Variants in EPHA1 observed in about 807,000 individuals in gnomAD.
EPHA1 encodes the protein EPH receptor A1.
EPHA1 carries 92 observed loss-of-function variants against 110.1 expected under a neutral mutation model. That is an observed-to-expected ratio of 0.84 (90% CI 0.71 to 0.99). The LOEUF is 0.99. Ranked by LOEUF, EPHA1 falls within the 50% of genes least tolerant of loss-of-function variation. EPHA1 has a pLI of 0.00. For missense variants in EPHA1, 1,204 were observed against 1,285.4 expected, an observed-to-expected ratio of 0.94 and a Z score of 0.97; for synonymous variants, 500 against 516.1, an observed-to-expected ratio of 0.97 and a Z score of 0.42.
At chr7:143,397,535 GT>G in intron 9 of EPHA1, 25 bp downstream of exon 9, 1 of 1,606,770 alleles carries the variant, frequency 6.2e-7, no homozygotes, top group South Asian at 1.1e-5. Flanking sequence ...AGGGCTGGTG[GT>G]TGGGGAGGGG....
chr7:143,404,230 T>C (rs1350308740), intron 2 of EPHA1, among the ~76,000 whole-genome samples: 1 of 152,034 alleles, frequency 6.6e-6, no homozygotes, highest in Non-Finnish European at 1.5e-5. Context: ...TTTTTTTTTT[T>C]TTATGAGACA....
chr7:143,406,873 G>A (rs1805565222), intron 2 of EPHA1, among the ~76,000 whole-genome samples: 2 of 152,210 alleles, frequency 1.3e-5, no homozygotes, highest in African/African-American at 4.8e-5. Context: ...CTGCATTTGA[G>A]TCTGAATATG....
At position 143,395,203 on chromosome 7, in the gene EPHA1, T is replaced by C. The variant is rs754713826; in HGVS notation, c.2084-21A>G. 2.2e-5 allele frequency: 35 copies of C among 1,612,966 alleles called. No homozygotes were observed. Among genetic ancestry groups the C allele is most frequent in the Admixed American group, 1.7e-4 (10 of 59,996 alleles). ...CTTTCCTGAGACACAGACACACATA[T>C]CACACTCAGAACCGGGCTTCCTGCC... On this transcript the variant is annotated intron_variant, in intron 12 of 17. Coordinates refer to ENST00000275815, the MANE Select transcript of EPHA1 (RefSeq NM_005232.5). This position sits in a 1 kb window ranked among gnomAD's most constrained non-coding sequence, Gnocchi z 4.7.
At chr7:143,394,715 TG>T in intron 14 of EPHA1, 92 bp downstream of exon 14, 1 of 1,476,378 alleles carries the variant, frequency 6.8e-7, no homozygotes, top group Non-Finnish European at 9.2e-7. Context: ...CCACCGTGCC[TG>T]GCCAAGTCTT....
chr7:143,397,060 G>A (rs796565515), intron 10 of EPHA1, among the ~76,000 whole-genome samples: 19 of 152,266 alleles, frequency 1.2e-4, no homozygotes, highest in South Asian at 6.2e-4. Context: ...AGCAGTGAAC[G>A]GACACTAACA....
chr7:143,405,308 A>C (rs1018063462), intron 2 of EPHA1, among the ~76,000 whole-genome samples: 2 of 152,192 alleles, frequency 1.3e-5, no homozygotes, highest in African/African-American at 4.8e-5. Context: ...TCCCAGTTCC[A>C]GCAGTGACAG....
chr7:143,402,825 A>G (rs1398580048), intron 2 of EPHA1, among the ~76,000 whole-genome samples: 9 of 152,174 alleles, frequency 5.9e-5, no homozygotes. Context: ...GCCTTTAATC[A>G]TTATACCTCT....
At position 143,391,653 on chromosome 7, in the gene EPHA1, T is replaced by A; in HGVS notation, c.2819A>T (p.Asp940Val). 6.2e-7 allele frequency: 1 copy of A among 1,614,080 alleles called. No homozygotes were observed. The highest frequency in any genetic ancestry group is 8.5e-7 in the Non-Finnish European group (1 of 1,180,026). Reference sequence around the variant, plus strand: ...CAGCTCCAGCACACACTCCATGGTGTCCAGCCCAGCCGAGTGGAAGTGCAG... The same window carrying A: ...CAGCTCCAGCACACACTCCATGGTGACCAGCCCAGCCGAGTGGAAGTGCAG... ...YILHFHSAGL[D>V]TMECVLELTA... Residue 940 changes from aspartate to valine, a missense_variant, in exon 17 of 18, where the codon GAC (aspartate) becomes GTC (valine). Coordinates refer to ENST00000275815, the MANE Select transcript of EPHA1 (RefSeq NM_005232.5).
At position 143,399,750 on chromosome 7, in the gene EPHA1, G is replaced by A. The variant is rs1455925427; in HGVS notation, c.736C>T (p.Arg246Cys). Residue 246 changes from arginine (R) to cysteine (C), a missense_variant, in exon 4 of 18, where the codon CGC (arginine) becomes TGC (cysteine). Coordinates refer to ENST00000275815, the MANE Select transcript of EPHA1 (RefSeq NM_005232.5). ...TCGCCATCAGGGCTGCAGTGCATGC[G>A]GGGTGCACCTGAGGGCCTGGGGCTG... ...RASPRPSGAP[R>C]MHCSPDGEWL... is the part of the protein sequence containing the mutation. 1.6e-5 allele frequency: 26 copies of A among 1,613,640 alleles called. No homozygotes were observed. Among genetic ancestry groups the A allele is most frequent in the East Asian group, 2.2e-5 (1 of 44,886 alleles).
intron 2 of EPHA1, among the ~76,000 whole-genome samples, chr7:143,405,101 A>T (rs907210710): frequency 6.6e-6 from 1 of 152,122 alleles, no homozygotes; most frequent in East Asian, 1.9e-4. Flanking sequence ...GGTGTCTAAA[A>T]GGCAAGGAAG....
rs151109384 is a variant in EPHA1 at position 143,401,275 on chromosome 7, C to T, written c.432+49G>A. 1.3e-6 allele frequency: 2 copies of T among 1,589,814 alleles called. No homozygotes were observed. Among genetic ancestry groups the T allele is most frequent in the Admixed American group, 3.4e-5 (2 of 58,768 alleles). ...ACCTTCTCTGGCACCCAATAAGGAG[C>T]CACCAGGGATCTGCACCAGGACCCA... On this transcript the variant is annotated intron_variant, in intron 3 of 17. Transcript: ENST00000275815. This position sits in a 1 kb window ranked among gnomAD's most constrained non-coding sequence, Gnocchi z 4.1.
In EPHA1 at chr7:143,398,241, C is replaced by T. The variant is rs1805313549; in HGVS notation, c.1464+80G>A. ...ACAGTGGACTTCGGGTGGATTCCTCCCAACCCACACCCCAGGCTAGGAATG... is the reference window on the plus strand; with the variant it reads ...ACAGTGGACTTCGGGTGGATTCCTCTCAACCCACACCCCAGGCTAGGAATG... On this transcript the variant is annotated intron_variant, in intron 7 of 17. Transcript: ENST00000275815. 4.4e-6 allele frequency: 7 copies of T among 1,596,000 alleles called. No homozygotes were observed. The South Asian group carries it at 4.5e-5, about 10-fold the overall frequency.
At position 143,391,792 on chromosome 7, in the gene EPHA1, T is replaced by C. The variant is rs760552796; in HGVS notation, c.2697-17A>G. Reference sequence around the variant, plus strand: ...AGAGTCATCCTGTGGGACATGGGCATGTCAGTCACAGCGGGTACATGGGCT... The same window carrying C: ...AGAGTCATCCTGTGGGACATGGGCACGTCAGTCACAGCGGGTACATGGGCT... On this transcript the variant is annotated splice_polypyrimidine_tract_variant and intron_variant, in intron 16 of 17. Coordinates refer to ENST00000275815, the MANE Select transcript of EPHA1 (RefSeq NM_005232.5). 1.2e-6 allele frequency: 2 copies of C among 1,612,766 alleles called. No individual in the cohort carries two copies. Among genetic ancestry groups the C allele is most frequent in the Admixed American group, 1.7e-5 (1 of 59,984 alleles).
Position 143,394,394 on chromosome 7 carries a change from A to G in EPHA1, c.2353-51T>C, listed in dbSNP as rs760415435. Reference sequence around the variant, plus strand: ...GGAAAGTTATGGTGTCCACCTGAGCACGAGTCTTTCTGCTTCTTTTATTGT... The same window carrying G: ...GGAAAGTTATGGTGTCCACCTGAGCGCGAGTCTTTCTGCTTCTTTTATTGT... On this transcript the variant is annotated intron_variant, in intron 14 of 17. Coordinates refer to ENST00000275815, the MANE Select transcript of EPHA1 (RefSeq NM_005232.5). 45 of 1,553,620 alleles carry G rather than the reference A, an allele frequency of 2.9e-5. No homozygotes were observed. The East Asian group carries it at 1.0e-3, about 35-fold the overall frequency.
chr7:143,399,654 C>G lies in EPHA1; in HGVS notation c.832G>C (p.Val278Leu). The change falls in exon 4 of 18, where the codon GTT becomes CTT. Residue 278 changes from valine to leucine, a missense_variant. By Grantham distance (32) the Val-to-Leu change is conservative. Coordinates refer to ENST00000275815, the MANE Select transcript of EPHA1 (RefSeq NM_005232.5). ...TTCTCACCGCCTCCGTTCTTACCAACACATGCTTCGCCACTGCCACCTTCC... is the reference window on the plus strand; with the variant it reads ...TTCTCACCGCCTCCGTTCTTACCAAGACATGCTTCGCCACTGCCACCTTCC... Reference protein sequence around the residue: ...YEEGGSGEACVACPSGSYRMD... With the variant: ...YEEGGSGEACLACPSGSYRMD... 6.2e-7 allele frequency: 1 copy of G among 1,613,294 alleles called. No homozygotes were observed. The highest frequency in any genetic ancestry group is 8.5e-7 in the Non-Finnish European group (1 of 1,179,998).
intron 16 of EPHA1, among the ~76,000 whole-genome samples, chr7:143,392,457 A>T (rs1369762306): frequency 6.6e-6 from 1 of 152,164 alleles, no homozygotes; most frequent in Non-Finnish European, 1.5e-5. Flanking sequence ...ACAAGGTTAT[A>T]TATGGTGGTT....
intron 9 of EPHA1, 70 bp from the exon 10 acceptor site, chr7:143,397,432 A>G: frequency 6.4e-7 from 1 of 1,568,620 alleles, no homozygotes; most frequent in Admixed American, 1.9e-5. Flanking sequence ...ACTCTGGCTG[A>G]ATCTTCCCCA....
rs2116631473 is a variant in EPHA1 at position 143,401,481 on chromosome 7, G to A, written c.275C>T (p.Ala92Val). 1 of 1,614,114 alleles carries A rather than the reference G, an allele frequency of 6.2e-7. No individual in the cohort carries two copies. Among genetic ancestry groups the A allele is most frequent in the South Asian group, 1.1e-5 (1 of 91,088 alleles). ...CTGCAGCTCCACGTGGACGCGGGAA[G>A]CCTCCTCCCCGCGGTAGATCCAATT... ...RSNWIYRGEE[A>V]SRVHVELQFT... The change falls in exon 3 of 18, where the codon GCT (alanine) becomes GTT (valine). Residue 92 changes from alanine (A) to valine (V), a missense_variant. Physicochemically the swap from Ala to Val is moderately conservative, Grantham distance 64. Coordinates refer to ENST00000275815, the MANE Select transcript of EPHA1 (RefSeq NM_005232.5). This position sits in a 1 kb window ranked among gnomAD's most constrained non-coding sequence, Gnocchi z 4.1.
chr7:143,402,432 G>A (rs149239025), intron 2 of EPHA1, among the ~76,000 whole-genome samples: 119 of 152,154 alleles, frequency 7.8e-4, no homozygotes, highest in African/African-American at 2.7e-3. Flanking sequence ...TGTCACCCAG[G>A]CTGGAGCTGG....
Sources: allele counts gnomAD v4.1 joint callset (sites outside exome capture counted in the v4.1 genomes callset), GRCh38; gene constraint gnomAD v4.1.1; non-coding constraint Gnocchi (gnomAD v3.1); transcripts MANE v1.5; gene names NCBI Gene and HGNC (gene_info 2026-07-23, HGNC 2026-07-21).